The following NOL6 variants were observed in gnomAD, a reference collection of about 807,000 sequenced individuals.
NOL6 encodes nucleolar protein 6, also known as nucleolar RNA-associated protein.
Under a neutral mutation model 131.7 loss-of-function variants are expected in NOL6, and 33 were observed. The ratio of observed to expected loss-of-function variants is 0.25; its 90% CI spans 0.19 to 0.33. The LOEUF (loss-of-function observed/expected upper bound fraction) is 0.33, where lower values mean the gene tolerates loss of function less well. NOL6 is among the 10% of genes least tolerant of loss of function. The probability of loss-of-function intolerance (pLI) is 1.00; values close to 1 mark genes in which losing one functional copy is unlikely to be tolerated. For missense variants in NOL6, 1,297 were observed against 1,494.5 expected (o/e 0.87, Z 2.18); for synonymous variants, 580 against 605.7 (o/e 0.96, Z 0.62).
chr9:33,465,391 C>T (rs1260682076), intron 19 of NOL6, 32 bp from the exon 20 acceptor site: 2 of 1,555,582 alleles, frequency 1.3e-6, no homozygotes, highest in Non-Finnish European at 1.7e-6. Flanking sequence ...CAGCGAGACT[C>T]AGGGCCCCAC....
rs1049878200 is a variant in NOL6, at chr9:33,467,608, A to T, written c.1602+83T>A. 11 of 1,573,116 alleles carry T rather than the reference A, an allele frequency of 7.0e-6. No homozygotes were observed. The South Asian group carries it at 8.3e-5, about 12-fold the overall frequency. The stretch of plus-strand genomic sequence containing the variant: ...TAGCTAGCTAGAAACGCCTAGCTGG[A>T]GGAATGGTGTGTCCTTTGTGTCTCT... On this transcript the variant is annotated intron_variant, in intron 12 of 25. Transcript: ENST00000297990. This position sits in a 1 kb window ranked among gnomAD's most constrained non-coding sequence, Gnocchi z 4.4.
In NOL6 at chr9:33,465,007, G is replaced by A. The variant is rs766928275; in HGVS notation, c.2682-31C>T. 9 of 1,567,318 alleles carry A rather than the reference G, an allele frequency of 5.7e-6. No individual in the cohort carries two copies. In the Admixed American group the frequency reaches 1.3e-4, roughly 23 times the overall value. On this transcript the variant is annotated intron_variant, in intron 20 of 25. Transcript: ENST00000297990. The stretch of plus-strand genomic sequence containing the variant: ...GGGCTGGAGTAAGCAAAGAATCCAG[G>A]GCCCAGCCACATATCCCCAGGCTTC...
In NOL6 at chr9:33,466,641, C is replaced by G; in HGVS notation, c.2019G>C (p.Leu673=). 1 of 1,614,088 alleles carries G rather than the reference C, an allele frequency of 6.2e-7. No individual in the cohort carries two copies. Among genetic ancestry groups the G allele is most frequent in the Non-Finnish European group, 8.5e-7 (1 of 1,180,040 alleles). ...VRCYDDLSRL[L]WGLEGLPLTV... is the part of the protein sequence containing the mutation. ...TCAGTGGGAGACCCTCTAGCCCCCA[C>G]AGTAGGCGACTGAGGTCGTCGTAGC... Residue 673 remains leucine (L), a synonymous_variant, in exon 16 of 26, where the codon CTG becomes CTC. Transcript: ENST00000297990.
In NOL6 at chr9:33,472,715, G is replaced by A. The variant is rs182003213; in HGVS notation, c.55-303C>T. 1.6e-5 allele frequency: 7 copies of A among 430,894 alleles called. No homozygotes were observed. The Middle Eastern group carries it at 2.0e-3, about 126-fold the overall frequency. 26.7% of individuals were successfully genotyped at this position (430,894 alleles called of 1,614,324 possible). A position where few individuals can be genotyped will look rare whatever the true frequency, so the allele number is the denominator to read the frequency against. On this transcript the variant is annotated intron_variant, in intron 1 of 25. Coordinates refer to ENST00000297990, the MANE Select transcript of NOL6 (RefSeq NM_022917.5). ...AGGCTGGACACGGTGGCTGACGCCT[G>A]TAATCCCAGCAGTTTGGGAGGTGGA...
rs770999495 is a variant in NOL6 at position 33,468,394 on chromosome 9, A to T, written c.1235T>A (p.Phe412Tyr). Residue 412 changes from phenylalanine (F) to tyrosine (Y), a missense_variant, in exon 10 of 26, where the codon TTC becomes TAC. Coordinates refer to ENST00000297990, the MANE Select transcript of NOL6 (RefSeq NM_022917.5). ...LPALADFHQAFSVVFLDSSGH... is the reference protein window; with the variant it reads ...LPALADFHQAYSVVFLDSSGH... Reference sequence around the variant, plus strand: ...TGAGGAATCCAGGAAGACAACGGAGAAGGCCTGGTGGAAGTCAGCCAGGGC... The same window carrying T: ...TGAGGAATCCAGGAAGACAACGGAGTAGGCCTGGTGGAAGTCAGCCAGGGC... 4 of 1,614,172 alleles carry T rather than the reference A, an allele frequency of 2.5e-6. No homozygotes were observed. In the South Asian group the frequency reaches 4.4e-5, roughly 18 times the overall value.
intron 3 of NOL6, 121 bp from the exon 4 acceptor site, chr9:33,470,312 A>T: frequency 1.1e-6 from 1 of 886,982 alleles, no homozygotes; most frequent in Non-Finnish European, 1.6e-6. Flanking sequence ...ATCTTCCCAT[A>T]ACTATGTCTT....
chr9:33,468,309 G>T lies in NOL6; in HGVS notation c.1308+12C>A. The T allele has an allele frequency of 6.2e-7, 1 of 1,612,414 alleles. No homozygotes were observed. Among genetic ancestry groups the T allele is most frequent in the African/African-American group, 1.3e-5 (1 of 75,038 alleles). ...GACATCAGGGGAACACAGATTGGGG[G>T]CCCATTGGTACCTGGTGGTAAGTAG... On this transcript the variant is annotated intron_variant, in intron 10 of 25. Transcript: ENST00000297990.
intron 19 of NOL6, 60 bp downstream of exon 19, chr9:33,465,674 G>A: frequency 6.5e-7 from 1 of 1,547,228 alleles, no homozygotes; most frequent in Non-Finnish European, 8.8e-7. Flanking sequence ...GTGGCTAGGT[G>A]AGGAGAATGG....
Position 33,463,428 on chromosome 9 carries a change from G to A in NOL6, c.3008C>T (p.Pro1003Leu), listed in dbSNP as rs1363612849. The A allele has an allele frequency of 5.0e-6, 8 of 1,611,764 alleles. No homozygotes were observed. The highest frequency in any genetic ancestry group is 2.2e-5 in the East Asian group (1 of 44,820). The change falls in exon 24 of 26, where the codon CCG becomes CTG. Residue 1003 changes from proline to leucine, a missense_variant. Pro to Leu is a moderately conservative substitution (Grantham distance 98). Transcript: ENST00000297990. ...GPGDIRTVFRPPLDIYDVLIR... is the reference protein window; with the variant it reads ...GPGDIRTVFRLPLDIYDVLIR... Reference sequence around the variant, plus strand: ...CAGCACGTCGTAAATGTCCAAGGGCGGCCGGAACACTGTCTAAGGAAGGGG... The same window carrying A: ...CAGCACGTCGTAAATGTCCAAGGGCAGCCGGAACACTGTCTAAGGAAGGGG...
intron 3 of NOL6, among the ~76,000 whole-genome samples, chr9:33,471,750 T>C (rs2777745): frequency 0.023 from 3,505 of 152,368 alleles, 124 homozygotes; most frequent in African/African-American, 0.08. Context: ...TATGCTTATC[T>C]ATTAACTATA....
rs1827484791 is a variant in NOL6, at chr9:33,473,882, C to G, written c.-40G>C. 1.2e-6 allele frequency: 2 copies of G among 1,607,890 alleles called. No homozygotes were observed. Among genetic ancestry groups the G allele is most frequent in the Non-Finnish European group, 1.7e-6 (2 of 1,179,504 alleles). ...CACTCTCCCGCACTTCAGATTCTAG[C>G]CGGGTCTATACCTCATAGCTTCCCA... On this transcript the variant is annotated 5_prime_UTR_variant, in exon 1 of 26. Transcript: ENST00000297990.
chr9:33,469,503 C>T lies in NOL6; in HGVS notation c.723G>A (p.Pro241=), dbSNP rs1271111416. Residue 241 remains proline, a synonymous_variant, in exon 5 of 26, where the codon CCG becomes CCA. Transcript: ENST00000297990. ...CHLKPSLLLR[P]RGKDERLVTV... ...AGCCCAATGTGTGCCTCTCACCACG[C>T]GGCCGCAGCAACAGTGAGGGTTTCA... The T allele has an allele frequency of 2.6e-5, 41 of 1,603,576 alleles. No individual in the cohort carries two copies. Among genetic ancestry groups the T allele is most frequent in the Non-Finnish European group, 3.1e-5 (37 of 1,175,438 alleles).
rs1253507490 is a variant in NOL6 at position 33,470,078 on chromosome 9, G to C, written c.492C>G (p.Gly164=). Residue 164 remains glycine, a synonymous_variant, in exon 4 of 26, where the codon GGC becomes GGG. Coordinates refer to ENST00000297990, the MANE Select transcript of NOL6 (RefSeq NM_022917.5). The stretch of plus-strand genomic sequence containing the variant: ...GGATGCAGGTGCCCAGAAGGTAGCT[G>C]CCCACAACAGTAACCTGGGCTGGGG... ...FLPPAQVTVV[G]SYLLGTCIRP... 1.2e-6 allele frequency: 2 copies of C among 1,613,070 alleles called. No homozygotes were observed. The highest frequency in any genetic ancestry group is 2.2e-5 in the South Asian group (2 of 90,916).
At chr9:33,471,292 A>C (rs1020574126) in intron 3 of NOL6, among the ~76,000 whole-genome samples, 2 of 152,280 alleles carry the variant, frequency 1.3e-5, no homozygotes, top group African/African-American at 2.4e-5. Context: ...GTGAACTTTT[A>C]AAAGTTAGAG....
Position 33,462,473 on chromosome 9 carries a change from C to T in NOL6, c.*191G>A, listed in dbSNP as rs3739678. The T allele has an allele frequency of 0.086, 56,254 of 655,284 alleles. 2,916 individuals are homozygous for T. Among genetic ancestry groups the T allele is most frequent in the East Asian group, 0.17 (6,346 of 36,622 alleles). 40.6% of individuals were successfully genotyped at this position (655,284 alleles called of 1,614,324 possible). A position where few individuals can be genotyped will look rare whatever the true frequency, so the allele number is the denominator to read the frequency against. ...CCAGGAGACTACATGGGCCACCATG[C>T]CCCTGCCCCAATGCTGGAGCATCAG... On this transcript the variant is annotated 3_prime_UTR_variant, in exon 26 of 26. Coordinates refer to ENST00000297990, the MANE Select transcript of NOL6 (RefSeq NM_022917.5).
intron 20 of NOL6, 105 bp from the exon 21 acceptor site, chr9:33,465,081 G>T: frequency 6.9e-7 from 1 of 1,438,862 alleles, no homozygotes; most frequent in Non-Finnish European, 9.6e-7. Context: ...GCAGGGCAGG[G>T]CATCTTAGAA....
intron 23 of NOL6, 83 bp downstream of exon 23, chr9:33,463,748 G>T: frequency 1.4e-6 from 2 of 1,415,260 alleles, no homozygotes; most frequent in Non-Finnish European, 2.0e-6. Flanking sequence ...AGGGGACCGG[G>T]TCTCCTGTGA....
chr9:33,472,456 T>C (rs779087934), intron 1 of NOL6, 44 bp from the exon 2 acceptor site: 4 of 1,504,046 alleles, frequency 2.7e-6, no homozygotes, highest in African/African-American at 2.7e-5. Context: ...AATAGGTATC[T>C]AGCATCTGCT....
At position 33,468,993 on chromosome 9, in the gene NOL6, G is replaced by A. The variant is rs1827331294; in HGVS notation, c.991C>T (p.Leu331=). The A allele has an allele frequency of 1.2e-6, 2 of 1,614,080 alleles. No individual in the cohort carries two copies. The highest frequency in any genetic ancestry group is 1.1e-5 in the South Asian group (1 of 91,096). ...TCCCGCTGCCGCAGCCAGACCTTCA[G>A]AAGTGCCACGCCATCCTTCAGGCCC... is the stretch of plus-strand genomic sequence containing the variant. ...AQGLKDGVAL[L]KVWLRQRELD... The change falls in exon 7 of 26, where the codon CTG becomes TTG. Residue 331 remains leucine (L), a synonymous_variant. Transcript: ENST00000297990.
Sources: allele counts gnomAD v4.1 joint callset (sites outside exome capture counted in the v4.1 genomes callset), GRCh38; gene constraint gnomAD v4.1.1; non-coding constraint Gnocchi (gnomAD v3.1); transcripts MANE v1.5; gene names NCBI Gene and HGNC (gene_info 2026-07-23, HGNC 2026-07-21).